The following GRM7 variants were observed in gnomAD, a reference collection of about 807,000 sequenced individuals.
GRM7 encodes metabotropic glutamate receptor 7.
A neutral mutation model predicts 84.5 loss-of-function variants in GRM7; 35 were observed. That is an observed-to-expected ratio of 0.41 (90% CI 0.32 to 0.55). The LOEUF is 0.55. Ranked by LOEUF, GRM7 falls within the 20% of genes least tolerant of loss-of-function variation. The probability of loss-of-function intolerance (pLI) is 0.19; values close to 1 mark genes in which losing one functional copy is unlikely to be tolerated. For synonymous variants in GRM7, 487 were observed against 455.1 expected, an observed-to-expected ratio of 1.07 and a Z score of -0.89; for missense variants, 1,003 against 1,194.6, an observed-to-expected ratio of 0.84 and a Z score of 2.36.
intron 7 of GRM7, among the ~76,000 whole-genome samples, chr3:7,573,446 T>C (rs775929973): frequency 3.9e-5 from 6 of 151,994 alleles, no homozygotes; most frequent in Non-Finnish European, 7.4e-5. Flanking sequence ...TTAGATAGAG[T>C]GTGTCTGCGT....
intron 1 of GRM7, among the ~76,000 whole-genome samples, chr3:7,090,362 G>T (rs1235267705): frequency 7.6e-6 from 1 of 131,696 alleles, no homozygotes; most frequent in African/African-American, 3.1e-5. Context: ...GTGGCTGTAA[G>T]TGTGTGATCT....
chr3:7,179,146 C>T (rs1413688235), intron 2 of GRM7, among the ~76,000 whole-genome samples: 1 of 151,578 alleles, frequency 6.6e-6, no homozygotes, highest in Non-Finnish European at 1.5e-5. Flanking sequence ...TAGAAACAAA[C>T]ATAGTACACT....
intron 8 of GRM7, among the ~76,000 whole-genome samples, chr3:7,639,353 G>A (rs996407865): frequency 6.6e-6 from 1 of 152,084 alleles, no homozygotes; most frequent in East Asian, 1.9e-4. Flanking sequence ...ACATTTACTG[G>A]CTCCCATTTA....
chr3:7,646,677 G>A (rs891099773), intron 8 of GRM7, among the ~76,000 whole-genome samples: 1 of 152,166 alleles, frequency 6.6e-6, no homozygotes, highest in Non-Finnish European at 1.5e-5. Flanking sequence ...ACCTTCCTGT[G>A]CTTCATGGTG....
intron 4 of GRM7, among the ~76,000 whole-genome samples, chr3:7,409,218 A>C (rs1695810658): frequency 6.6e-6 from 1 of 152,100 alleles, no homozygotes; most frequent in East Asian, 1.9e-4. Flanking sequence ...CTTTTTCAGC[A>C]TTCTCTTGGT....
chr3:7,452,545 A>T, intron 5 of GRM7, 62 bp from the exon 6 acceptor site: 1 of 1,119,300 alleles, frequency 8.9e-7, no homozygotes. Flanking sequence ...TGGACATTCT[A>T]CTCAATGCCA....
chr3:6,896,959 G>A (rs1306389512), intron 1 of GRM7, among the ~76,000 whole-genome samples: 1 of 152,098 alleles, frequency 6.6e-6, no homozygotes, highest in African/African-American at 2.4e-5. Flanking sequence ...TTGTATCATG[G>A]TTATTTGTTT....
intron 7 of GRM7, among the ~76,000 whole-genome samples, chr3:7,576,207 A>G (rs1694954567): frequency 6.6e-6 from 1 of 152,182 alleles, no homozygotes; most frequent in African/African-American, 2.4e-5. Context: ...AGTTAATGCG[A>G]TCTTTCTCTC....
At position 7,670,396 on chromosome 3, in the gene GRM7, G is replaced by A. The variant is rs187251409; in HGVS notation, c.2452-9653G>A. Reference sequence around the variant, plus strand: ...GGGATGAATCCGATCATCAAAACCTGTCAAAGTTCATCAGAAAGCCATTGT... The same window carrying A: ...GGGATGAATCCGATCATCAAAACCTATCAAAGTTCATCAGAAAGCCATTGT... On this transcript the variant is annotated intron_variant, in intron 8 of 9. Transcript: ENST00000357716. Among the ~76,000 whole-genome samples the A allele has an allele frequency of 2.0e-5, 3 of 152,280 alleles. No homozygotes were observed. The East Asian group carries it at 5.8e-4, about 29-fold the overall frequency.
chr3:7,660,330 C>A (rs1234888507), intron 8 of GRM7, among the ~76,000 whole-genome samples: 1 of 152,180 alleles, frequency 6.6e-6, no homozygotes, highest in Non-Finnish European at 1.5e-5. Context: ...TTGGCAAAAA[C>A]ATCTGACTTG....
intron 4 of GRM7, among the ~76,000 whole-genome samples, chr3:7,314,783 C>T (rs1700524691): frequency 6.6e-6 from 1 of 151,962 alleles, no homozygotes. Flanking sequence ...AGTTTCTGTC[C>T]ATTTTTCCTC....
chr3:7,266,379 C>T (rs1337259476), intron 2 of GRM7, among the ~76,000 whole-genome samples: 2 of 152,118 alleles, frequency 1.3e-5, no homozygotes, highest in South Asian at 2.1e-4. Flanking sequence ...GGTCCTGAAA[C>T]GTAAAATCAC....
chr3:7,732,252 A>G (rs1702358211), intron 9 of GRM7, among the ~76,000 whole-genome samples: 1 of 152,152 alleles, frequency 6.6e-6, no homozygotes, highest in African/African-American at 2.4e-5. Flanking sequence ...AGGCTTCTCT[A>G]TGGTAACACA....
intron 8 of GRM7, among the ~76,000 whole-genome samples, chr3:7,654,371 C>T (rs913289244): frequency 1.3e-5 from 2 of 152,150 alleles, no homozygotes; most frequent in Middle Eastern, 6.8e-3. Flanking sequence ...CATCTTTAGC[C>T]CCTGTGCTAT....
At chr3:6,983,588 G>C (rs1051928078) in intron 1 of GRM7, among the ~76,000 whole-genome samples, 2 of 152,034 alleles carry the variant, frequency 1.3e-5, no homozygotes, top group Admixed American at 6.6e-5. Context: ...TGAACTCAAG[G>C]TTAATTAAGA....
intron 1 of GRM7, among the ~76,000 whole-genome samples, chr3:7,100,080 G>T (rs1217578465): frequency 1.3e-5 from 2 of 150,806 alleles, no homozygotes; most frequent in Non-Finnish European, 3.0e-5. Context: ...TTTCCCCACA[G>T]AAGATCGTAG....
At chr3:7,593,187 T>C (rs1291478855) in intron 8 of GRM7, among the ~76,000 whole-genome samples, 1 of 152,218 alleles carries the variant, frequency 6.6e-6, no homozygotes, top group Non-Finnish European at 1.5e-5. Flanking sequence ...ATTTCTCCTT[T>C]TGGTATCGTT....
At chr3:7,560,470 C>T (rs1170007710) in intron 7 of GRM7, 1 of 152,064 alleles carries the variant, frequency 6.6e-6, no homozygotes, top group Admixed American at 6.6e-5. Flanking sequence ...GTTCTGGATG[C>T]ATTCTCTGAT....
intron 4 of GRM7, among the ~76,000 whole-genome samples, chr3:7,309,308 C>T (rs2125038802): frequency 1.4e-5 from 2 of 144,664 alleles, no homozygotes; most frequent in South Asian, 4.3e-4. Context: ...ATGAAATAAT[C>T]TAAGATAAAA....
Sources: gnomAD v4.1 joint callset for allele counts (sites outside exome capture counted in the v4.1 genomes callset) on GRCh38, gnomAD v4.1.1 for gene constraint, MANE v1.5 for transcripts, NCBI Gene and HGNC (gene_info 2026-07-23, HGNC 2026-07-21) for gene names.